Variants in COMMD10 observed in about 807,000 individuals in gnomAD.
The protein encoded by COMMD10 is COMM domain-containing protein 10.
COMMD10 carries 33 observed loss-of-function variants against 28.9 expected under a neutral mutation model. That is an observed-to-expected ratio of 1.14 (90% confidence interval 0.87 to 1.53). COMMD10 has a LOEUF of 1.53. COMMD10 is among the 40% of genes most tolerant of loss of function. The probability of loss-of-function intolerance (pLI) is 0.00; values close to 1 mark genes in which losing one functional copy is unlikely to be tolerated. For missense variants in COMMD10, 310 were observed against 233.4 expected, an observed-to-expected ratio of 1.33 and a Z score of -2.14; for synonymous variants, 110 against 81.7, an observed-to-expected ratio of 1.35 and a Z score of -1.87.
chr5:116,273,838 A>G (rs757722302), intron 5 of COMMD10, among the ~76,000 whole-genome samples: 17 of 151,758 alleles, frequency 1.1e-4, no homozygotes, highest in Non-Finnish European at 2.2e-4. Flanking sequence ...ACTTGGAACT[A>G]AAGTCATCAT....
intron 5 of COMMD10, among the ~76,000 whole-genome samples, chr5:116,142,525 T>G (rs1486056291): frequency 1.3e-5 from 2 of 151,788 alleles, no homozygotes; most frequent in Admixed American, 1.3e-4. Flanking sequence ...ATAAATGGCT[T>G]TCTGAAATCA....
At chr5:116,105,807 C>T (rs905345924) in intron 4 of COMMD10, among the ~76,000 whole-genome samples, 1 of 151,930 alleles carries the variant, frequency 6.6e-6, no homozygotes, top group African/African-American at 2.4e-5. Context: ...TGGTGAAGTC[C>T]CCTTTATCAT....
At chr5:116,127,505 A>C (rs1280415086) in intron 4 of COMMD10, among the ~76,000 whole-genome samples, 1 of 152,236 alleles carries the variant, frequency 6.6e-6, no homozygotes, top group African/African-American at 2.4e-5. Context: ...TATTCTCAAT[A>C]GCAAAGACTT....
chr5:116,281,733 G>A (rs759282665), intron 5 of COMMD10, among the ~76,000 whole-genome samples: 13 of 151,760 alleles, frequency 8.6e-5, no homozygotes, highest in Non-Finnish European at 1.8e-4. Flanking sequence ...CTGTATACTC[G>A]TTTACTGATT....
intron 4 of COMMD10, among the ~76,000 whole-genome samples, chr5:116,114,913 CT>C (rs1751180189): frequency 6.6e-6 from 1 of 152,140 alleles, no homozygotes; most frequent in Non-Finnish European, 1.5e-5. Context: ...CTGCTCACAT[CT>C]TGGGGGTTGC....
At chr5:116,253,477 A>T (rs957326694) in intron 5 of COMMD10, among the ~76,000 whole-genome samples, 1 of 150,326 alleles carries the variant, frequency 6.7e-6, no homozygotes, top group African/African-American at 2.5e-5. Flanking sequence ...TCCCATCAAT[A>T]CCTAATTTAT....
chr5:116,247,061 G>C (rs1749971108), intron 5 of COMMD10, among the ~76,000 whole-genome samples: 1 of 151,632 alleles, frequency 6.6e-6, no homozygotes. Flanking sequence ...GAAAATCTTT[G>C]CAAACTTTGC....
intron 5 of COMMD10, among the ~76,000 whole-genome samples, chr5:116,168,210 T>C (rs545381959): frequency 6.7e-6 from 1 of 148,228 alleles, no homozygotes; most frequent in Non-Finnish European, 1.5e-5. Context: ...AAACAGACTT[T>C]AAAGCAACAA....
intron 4 of COMMD10, among the ~76,000 whole-genome samples, chr5:116,126,928 A>G (rs1751669438): frequency 6.6e-6 from 1 of 152,244 alleles, no homozygotes. Context: ...GACTGATGGG[A>G]TCTAATTAAA....
At position 116,244,570 on chromosome 5, in the gene COMMD10, G is replaced by T. The variant is rs73259083; in HGVS notation, c.511-46947G>T. ...ATATCTGAGGAGGGGTAAAGAATAG[G>T]AGAAGTTTCCCCGGCTGAATCTTAA... is the stretch of plus-strand genomic sequence containing the variant. On this transcript the variant is annotated intron_variant, in intron 5 of 6. Transcript: ENST00000274458. Among the ~76,000 whole-genome samples, 1,211 of 149,414 alleles carry T rather than the reference G, an allele frequency of 8.1e-3. 21 individuals carry two copies. The highest frequency in any genetic ancestry group is 0.028 in the African/African-American group (1,123 of 40,576).
At chr5:116,250,904 A>G (rs1027912383) in intron 5 of COMMD10, among the ~76,000 whole-genome samples, 2 of 151,984 alleles carry the variant, frequency 1.3e-5, no homozygotes, top group African/African-American at 4.8e-5. Context: ...AATGAACCAT[A>G]TGGGAAAGGG....
chr5:116,154,460 A>G (rs1752640443), intron 5 of COMMD10, among the ~76,000 whole-genome samples: 1 of 152,114 alleles, frequency 6.6e-6, no homozygotes, highest in African/African-American at 2.4e-5. Context: ...GTGTTAGTTG[A>G]CAAAGGGCAA....
At chr5:116,176,389 C>G (rs1045936885) in intron 5 of COMMD10, among the ~76,000 whole-genome samples, 2 of 152,190 alleles carry the variant, frequency 1.3e-5, no homozygotes, top group Non-Finnish European at 2.9e-5. Context: ...GTTGGGATTA[C>G]AGGTGTGAGC....
chr5:116,153,806 C>G (rs536736015), intron 5 of COMMD10, among the ~76,000 whole-genome samples: 5 of 152,092 alleles, frequency 3.3e-5, no homozygotes, highest in African/African-American at 1.2e-4. Flanking sequence ...GCCATGAAAC[C>G]CTCCTCAGGG....
intron 4 of COMMD10, among the ~76,000 whole-genome samples, chr5:116,125,481 C>T (rs1250287961): frequency 6.6e-6 from 1 of 152,142 alleles, no homozygotes. Context: ...CTGCCCTTAA[C>T]ATTTTTTCCT....
intron 5 of COMMD10, among the ~76,000 whole-genome samples, chr5:116,134,687 C>A (rs1561622573): frequency 6.6e-6 from 1 of 152,172 alleles, no homozygotes; most frequent in Non-Finnish European, 1.5e-5. Context: ...GTGGCGCGAT[C>A]TCGGCTCACT....
chr5:116,210,427 T>G (rs1446938102), intron 5 of COMMD10, among the ~76,000 whole-genome samples: 1 of 151,976 alleles, frequency 6.6e-6, no homozygotes, highest in Non-Finnish European at 1.5e-5. Flanking sequence ...AATTATATTT[T>G]AAAAGTCATT....
At chr5:116,224,999 A>G (rs577634299) in intron 5 of COMMD10, among the ~76,000 whole-genome samples, 2 of 152,290 alleles carry the variant, frequency 1.3e-5, no homozygotes, top group Admixed American at 6.5e-5. Flanking sequence ...TCCTTTAACA[A>G]TCTGTAGGCT....
At chr5:116,122,544 G>A (rs891803961) in intron 4 of COMMD10, among the ~76,000 whole-genome samples, 3 of 152,158 alleles carry the variant, frequency 2.0e-5, no homozygotes, top group Non-Finnish European at 4.4e-5. Flanking sequence ...TGATGGGGAT[G>A]GCATTGAATC....
Sources: gnomAD v4.1 joint callset for allele counts (sites outside exome capture counted in the v4.1 genomes callset) on GRCh38, gnomAD v4.1.1 for gene constraint, MANE v1.5 for transcripts, NCBI Gene and HGNC (gene_info 2026-07-23, HGNC 2026-07-21) for gene names.